Variants in FMNL2 observed in about 807,000 individuals in gnomAD.
The protein encoded by FMNL2 is formin-like protein 2.
A neutral mutation model predicts 130.2 loss-of-function variants in FMNL2; 51 were observed. The observed-to-expected ratio is 0.39, with a 90% CI of 0.31 to 0.49. The LOEUF is 0.49. Ranked by LOEUF, FMNL2 falls within the 20% of genes least tolerant of loss-of-function variation. The probability of loss-of-function intolerance (pLI) is 0.85; values close to 1 mark genes in which losing one functional copy is unlikely to be tolerated. For missense variants in FMNL2, 977 were observed against 1,316.2 expected (o/e 0.74, Z 3.99); for synonymous variants, 465 against 467.1 (o/e 1.00, Z 0.06).
chr2:152,429,573 C>CTG (rs1188376260), intron 1 of FMNL2, among the ~76,000 whole-genome samples: 5 of 151,408 alleles, frequency 3.3e-5, no homozygotes, highest in South Asian at 2.1e-4. Context: ...TTGGTATTTA[C>CTG]TGACAGATCC....
intron 9 of FMNL2, among the ~76,000 whole-genome samples, chr2:152,596,788 A>C (rs1697794893): frequency 6.6e-6 from 1 of 152,228 alleles, no homozygotes; most frequent in Non-Finnish European, 1.5e-5. Context: ...CCTCACACAG[A>C]TATGTAGATG....
At chr2:152,439,450 A>G (rs545499366) in intron 1 of FMNL2, among the ~76,000 whole-genome samples, 1 of 152,270 alleles carries the variant, frequency 6.6e-6, no homozygotes, top group East Asian at 1.9e-4. Context: ...CTTTTAAGTA[A>G]TGGATATATG....
chr2:152,648,145 ATCTTTT>A lies in FMNL2; in HGVS notation c.*242_*247del. On this transcript the variant is annotated 3_prime_UTR_variant, in exon 26 of 26. Transcript: ENST00000288670. The stretch of plus-strand genomic sequence containing the variant: ...GCAATAGGATTTGATTTGATTAGGT[ATCTTTT>A]TACACCAGTATGTTATTTTTAACCA... 1 of 462,642 alleles carries A rather than the reference ATCTTTT, an allele frequency of 2.2e-6. No individual in the cohort carries two copies. 28.7% of individuals were successfully genotyped at this position (462,642 alleles called of 1,614,324 possible). A position where few individuals can be genotyped will look rare whatever the true frequency, so the allele number is the denominator to read the frequency against.
At chr2:152,546,459 G>A (rs763250375) in intron 3 of FMNL2, among the ~76,000 whole-genome samples, 1 of 151,994 alleles carries the variant, frequency 6.6e-6, no homozygotes, top group Non-Finnish European at 1.5e-5. Context: ...TTATTATCAC[G>A]AGGACAGCAC....
intron 1 of FMNL2, among the ~76,000 whole-genome samples, chr2:152,481,426 A>C (rs1352571241): frequency 6.6e-6 from 1 of 152,242 alleles, no homozygotes; most frequent in African/African-American, 2.4e-5. Context: ...CAGCCAAAAA[A>C]CAACGTTTTG....
chr2:152,629,635 C>G, intron 18 of FMNL2, 21 bp from the exon 19 acceptor site: 1 of 1,569,904 alleles, frequency 6.4e-7, no homozygotes, highest in Non-Finnish European at 8.6e-7. Context: ...TCCCCTTTTT[C>G]TTTCTTTGAT....
intron 9 of FMNL2, among the ~76,000 whole-genome samples, chr2:152,596,298 T>C (rs531605787): frequency 1.3e-5 from 2 of 152,218 alleles, no homozygotes; most frequent in African/African-American, 2.4e-5. Context: ...GGTGGAGGGC[T>C]CCTTTCTATA....
intron 1 of FMNL2, among the ~76,000 whole-genome samples, chr2:152,427,652 G>A (rs1054759704): frequency 6.6e-6 from 1 of 151,906 alleles, no homozygotes; most frequent in Non-Finnish European, 1.5e-5. Context: ...AAACTTTCAA[G>A]GTAATATGTG....
intron 1 of FMNL2, among the ~76,000 whole-genome samples, chr2:152,435,273 G>C (rs1222811025): frequency 6.6e-6 from 1 of 152,148 alleles, no homozygotes; most frequent in Admixed American, 6.5e-5. Flanking sequence ...CTTGAGGCCA[G>C]GAGTTTGAGA....
chr2:152,346,213 C>T (rs112916912), intron 1 of FMNL2, among the ~76,000 whole-genome samples: 8,688 of 151,992 alleles, frequency 0.057, 761 homozygotes, highest in African/African-American at 0.19. Flanking sequence ...GTAGTAGAGA[C>T]GGGGTTTCAT....
At chr2:152,528,151 T>C (rs1558939075) in intron 2 of FMNL2, among the ~76,000 whole-genome samples, 1 of 152,230 alleles carries the variant, frequency 6.6e-6, no homozygotes, top group Non-Finnish European at 1.5e-5. Flanking sequence ...TTTTCTATCA[T>C]ATAAAAACTT....
chr2:152,466,893 T>G (rs74427550), intron 1 of FMNL2, among the ~76,000 whole-genome samples: 1 of 152,312 alleles, frequency 6.6e-6, no homozygotes, highest in East Asian at 1.9e-4. Context: ...GATTTTTGGT[T>G]GGTGTTCTAA....
At chr2:152,639,730 G>T (rs559677649) in intron 23 of FMNL2, among the ~76,000 whole-genome samples, 19 of 152,228 alleles carry the variant, frequency 1.2e-4, no homozygotes, top group African/African-American at 4.1e-4. Context: ...CGATCATCAG[G>T]AAAGGACTTC....
intron 15 of FMNL2, among the ~76,000 whole-genome samples, chr2:152,624,281 C>A (rs1681615256): frequency 6.6e-6 from 1 of 151,460 alleles, no homozygotes; most frequent in Admixed American, 6.6e-5. Context: ...CCTCAGCCTT[C>A]CGAGTAGCTA....
intron 21 of FMNL2, among the ~76,000 whole-genome samples, chr2:152,635,253 G>A (rs1682495136): frequency 6.6e-6 from 1 of 152,266 alleles, no homozygotes; most frequent in East Asian, 1.9e-4. Flanking sequence ...TTCGATGATT[G>A]CTCTCAGTTG....
At chr2:152,544,077 A>C (rs1694484017) in intron 3 of FMNL2, among the ~76,000 whole-genome samples, 2 of 152,174 alleles carry the variant, frequency 1.3e-5, no homozygotes, top group Admixed American at 1.3e-4. Context: ...CCTTTCCCTA[A>C]GAATGTGGCA....
chr2:152,617,062 G>A (rs1698991657), intron 12 of FMNL2, 29 bp from the exon 13 acceptor site: 1 of 1,599,716 alleles, frequency 6.3e-7, no homozygotes, highest in Admixed American at 1.7e-5. Flanking sequence ...ATCCTGTATT[G>A]TGACAGCTTT....
intron 25 of FMNL2, 104 bp from the exon 26 acceptor site, chr2:152,647,692 T>C: frequency 9.3e-7 from 1 of 1,079,948 alleles, no homozygotes; most frequent in Non-Finnish European, 1.4e-6. Context: ...TTAGCTGACT[T>C]TTCTACACAA....
intron 1 of FMNL2, among the ~76,000 whole-genome samples, chr2:152,506,841 GA>G (rs370933081): frequency 0.51 from 58,482 of 114,216 alleles, 13,813 homozygotes; most frequent in Non-Finnish European, 0.63. Context: ...AAATTGTGAG[GA>G]AAAAACTCAT....
Sources: allele counts gnomAD v4.1 joint callset (sites outside exome capture counted in the v4.1 genomes callset), GRCh38; gene constraint gnomAD v4.1.1; transcripts MANE v1.5; gene names NCBI Gene and HGNC (gene_info 2026-07-23, HGNC 2026-07-21).